SORL1: variants seen among roughly 807,000 people sequenced by gnomAD.
SORL1 encodes sortilin related receptor 1, also known as sortilin-related receptor.
In SORL1, 127 loss-of-function variants were observed where a neutral mutation model predicts 273.7. The ratio of observed to expected loss-of-function variants is 0.46; its 90% CI spans 0.40 to 0.54. The LOEUF is 0.54. SORL1 is among the 20% of genes least tolerant of loss of function. The pLI, the probability that SORL1 is intolerant of heterozygous loss-of-function variation, is 0.00. For synonymous variants in SORL1, 1,031 were observed against 1,067.4 expected (o/e 0.97, Z 0.66); for missense variants, 2,494 against 2,846.1 (o/e 0.88, Z 2.81).
intron 21 of SORL1, among the ~76,000 whole-genome samples, chr11:121,561,784 C>T (rs1016477141): frequency 3.3e-5 from 5 of 151,436 alleles, no homozygotes; most frequent in African/African-American, 1.2e-4. Context: ...GTCCCTTTGG[C>T]CATGGCCAGT....
rs193060142 is a variant in SORL1, at chr11:121,629,431, G to T, written c.6578-65G>T. On this transcript the variant is annotated intron_variant, in intron 47 of 47. Transcript: ENST00000260197. ...GGTAGGGTTGAGGGGTGGGTAGAGT[G>T]GTGGGATATGGGGTCAGGTGAAAAT... 1,093 of 830,768 alleles carry T rather than the reference G, an allele frequency of 1.3e-3. 6 individuals carry two copies. The highest frequency in any genetic ancestry group is 2.8e-4 in the Non-Finnish European group (132 of 464,870). 51.5% of individuals were successfully genotyped at this position (830,768 alleles called of 1,614,324 possible).
At chr11:121,616,431 G>A (rs1863642359) in intron 41 of SORL1, among the ~76,000 whole-genome samples, 1 of 152,194 alleles carries the variant, frequency 6.6e-6, no homozygotes, top group Admixed American at 6.5e-5. Flanking sequence ...TTGTCACTGT[G>A]CATGTGGGGA....
At chr11:121,555,039 T>G in intron 17 of SORL1, 148 bp from the exon 18 acceptor site, 1 of 818,986 alleles carries the variant, frequency 1.2e-6, no homozygotes, top group South Asian at 2.5e-5. Flanking sequence ...AAAACCTGGC[T>G]TCATGTGTCT....
chr11:121,625,105 T>A lies in SORL1; in HGVS notation c.6192T>A (p.Phe2064Leu). 2.5e-6 allele frequency: 4 copies of A among 1,612,622 alleles called. No homozygotes were observed. The highest frequency in any genetic ancestry group is 3.4e-6 in the Non-Finnish European group (4 of 1,178,934). The change falls in exon 46 of 48, where the codon TTT becomes TTA. Residue 2064 changes from phenylalanine to leucine, a missense_variant. This residue lies in a region of SORL1 where 1,609 missense variants were observed against 1,816.4 expected (regional missense o/e 0.89). Transcript: ENST00000260197. ...TTCAGGGCTATGAGATACACATGTTTGATAGTGCCATGAATATCACAGCTT... is the reference window on the plus strand; with the variant it reads ...TTCAGGGCTATGAGATACACATGTTAGATAGTGCCATGAATATCACAGCTT... ...NESRGYEIHMFDSAMNITAYL... is the reference protein window; with the variant it reads ...NESRGYEIHMLDSAMNITAYL...
intron 23 of SORL1, 58 bp from the exon 24 acceptor site, chr11:121,574,182 TA>T: frequency 6.4e-7 from 1 of 1,559,308 alleles, no homozygotes; most frequent in South Asian, 1.1e-5. Flanking sequence ...GTAGGATGTT[TA>T]CATTTGTGGG....
At chr11:121,628,001 C>T (rs540207241) in intron 47 of SORL1, among the ~76,000 whole-genome samples, 23 of 152,294 alleles carry the variant, frequency 1.5e-4, no homozygotes, top group African/African-American at 5.3e-4. Context: ...TGGCCTGAAA[C>T]AGGGAGCTTG....
intron 2 of SORL1, among the ~76,000 whole-genome samples, chr11:121,474,715 G>A (rs931870942): frequency 1.3e-5 from 2 of 152,186 alleles, no homozygotes; most frequent in African/African-American, 4.8e-5. Flanking sequence ...TGAGTCCGGG[G>A]TGTTCTCTCA....
intron 11 of SORL1, among the ~76,000 whole-genome samples, chr11:121,524,618 G>A (rs1347285571): frequency 6.6e-6 from 1 of 152,218 alleles, no homozygotes; most frequent in Non-Finnish European, 1.5e-5. Context: ...TGGACAGAAT[G>A]TTGCCTGGAG....
rs777465644 is a variant in SORL1 at position 121,452,442 on chromosome 11, C to T, written c.111C>T (p.Gly37=). 6.7e-7 allele frequency: 1 copy of T among 1,498,468 alleles called. No homozygotes were observed. Among genetic ancestry groups the T allele is most frequent in the Non-Finnish European group, 8.9e-7 (1 of 1,127,740 alleles). 92.8% of individuals were successfully genotyped at this position (1,498,468 alleles called of 1,614,324 possible). ...AAGTCTGGACGCAGAGGCTGCACGG[C>T]GGCAGCGCGCCCTTGCCCCAGGACC... ...LCEVWTQRLH[G]GSAPLPQDRG... Residue 37 remains glycine (G), a synonymous_variant, in exon 1 of 48, where the codon GGC becomes GGT. Coordinates refer to ENST00000260197, the MANE Select transcript of SORL1 (RefSeq NM_003105.6). The surrounding 1 kb of genome is among the most constrained non-coding windows in gnomAD (Gnocchi z 5.3).
intron 16 of SORL1, among the ~76,000 whole-genome samples, chr11:121,551,629 G>A (rs1424142206): frequency 1.3e-5 from 2 of 152,206 alleles, no homozygotes; most frequent in Non-Finnish European, 2.9e-5. Context: ...CGTCTGTGGT[G>A]GGTGGTGGTG....
At chr11:121,489,543 A>G (rs1162301984) in intron 4 of SORL1, among the ~76,000 whole-genome samples, 4 of 152,194 alleles carry the variant, frequency 2.6e-5, no homozygotes, top group African/African-American at 7.2e-5. Context: ...ATATTGTAGC[A>G]TGTGTCAATT....
chr11:121,459,435 C>T lies in SORL1; in HGVS notation c.285+6819C>T, dbSNP rs1489491917. Among the ~76,000 whole-genome samples the T allele has an allele frequency of 2.0e-5, 3 of 152,152 alleles. No individual in the cohort carries two copies. The East Asian group carries it at 5.8e-4, about 29-fold the overall frequency. On this transcript the variant is annotated intron_variant, in intron 1 of 47. Coordinates refer to ENST00000260197, the MANE Select transcript of SORL1 (RefSeq NM_003105.6). Reference sequence around the variant, plus strand: ...CTAGGTATTGGTGGCTGCTGACTGCCAAGTTGAGTGTCAGGAGACAGTGGT... The same window carrying T: ...CTAGGTATTGGTGGCTGCTGACTGCTAAGTTGAGTGTCAGGAGACAGTGGT...
At chr11:121,552,614 G>A (rs1862522324) in intron 16 of SORL1, among the ~76,000 whole-genome samples, 1 of 152,232 alleles carries the variant, frequency 6.6e-6, no homozygotes, top group African/African-American at 2.4e-5. Context: ...ACCAAAAGGG[G>A]AGGTAGGTTA....
intron 11 of SORL1, among the ~76,000 whole-genome samples, chr11:121,526,432 T>C (rs933497828): frequency 3.9e-5 from 6 of 152,324 alleles, no homozygotes; most frequent in Non-Finnish European, 7.4e-5. Flanking sequence ...AAAATCTTTT[T>C]TTATTATTGT....
At chr11:121,460,394 A>ATT (rs781295199) in intron 1 of SORL1, among the ~76,000 whole-genome samples, 8,026 of 122,892 alleles carry the variant, frequency 0.065, 603 homozygotes, top group East Asian at 0.18. Flanking sequence ...GTCATGATGA[A>ATT]TTTTTTTTTT....
chr11:121,608,443 C>A (rs1442709256), intron 38 of SORL1: 3 of 407,110 alleles, frequency 7.4e-6, no homozygotes, highest in African/African-American at 4.1e-5. Context: ...TCATGCGCAG[C>A]CCTTTGTGAG....
chr11:121,603,488 C>T (rs542202984), intron 32 of SORL1, among the ~76,000 whole-genome samples: 19 of 152,320 alleles, frequency 1.2e-4, no homozygotes, highest in African/African-American at 1.7e-4. Flanking sequence ...TGGAGCCTCC[C>T]GTGCAGTTTT....
At chr11:121,459,582 G>A (rs1178578013) in intron 1 of SORL1, among the ~76,000 whole-genome samples, 2 of 152,188 alleles carry the variant, frequency 1.3e-5, no homozygotes, top group Admixed American at 1.3e-4. Context: ...GTCAATGAAG[G>A]CTGGCTATTC....
At chr11:121,565,623 T>G (rs1471506399) in intron 21 of SORL1, among the ~76,000 whole-genome samples, 1 of 152,198 alleles carries the variant, frequency 6.6e-6, no homozygotes, top group East Asian at 1.9e-4. Context: ...TTTATCTAAG[T>G]TTTTATGTTC....
Sources: gnomAD v4.1 joint callset for allele counts (sites outside exome capture counted in the v4.1 genomes callset) on GRCh38, gnomAD v4.1.1 for gene constraint, gnomAD v4.1.1 regional missense constraint, Gnocchi (gnomAD v3.1) non-coding constraint, MANE v1.5 for transcripts, NCBI Gene and HGNC (gene_info 2026-07-23, HGNC 2026-07-21) for gene names.